L3MBTL4: variants seen among roughly 807,000 people sequenced by gnomAD.
L3MBTL4 encodes L3MBTL histone methyl-lysine binding protein 4.
Under a neutral mutation model 84.5 loss-of-function variants are expected in L3MBTL4, and 70 were observed. That is an observed-to-expected ratio of 0.83 (90% CI 0.68 to 1.01). The LOEUF (loss-of-function observed/expected upper bound fraction) is 1.01, where lower values mean the gene tolerates loss of function less well. L3MBTL4 is among the 50% of genes least tolerant of loss of function. The probability of loss-of-function intolerance (pLI) is 0.00; values close to 1 mark genes in which losing one functional copy is unlikely to be tolerated. For synonymous variants in L3MBTL4, 274 were observed against 259.8 expected (o/e 1.05, Z -0.52); for missense variants, 715 against 754.8 (o/e 0.95, Z 0.62).
chr18:6,231,426 C>A (rs1283409094), intron 10 of L3MBTL4, among the ~76,000 whole-genome samples: 1 of 152,104 alleles, frequency 6.6e-6, no homozygotes, highest in African/African-American at 2.4e-5. Flanking sequence ...TATTCTGTTA[C>A]ATTGGTCTAT....
intron 12 of L3MBTL4, among the ~76,000 whole-genome samples, chr18:6,181,579 C>T (rs555582059): frequency 1.0e-3 from 156 of 152,220 alleles, no homozygotes; most frequent in African/African-American, 3.6e-3. Context: ...ATCCGCCCAC[C>T]TTGGCCTCTC....
intron 16 of L3MBTL4, among the ~76,000 whole-genome samples, chr18:5,982,159 T>A (rs916433166): frequency 6.6e-6 from 1 of 152,174 alleles, no homozygotes; most frequent in African/African-American, 2.4e-5. Context: ...TTCAACCTCC[T>A]ATTTAAAGAG....
chr18:6,119,635 C>T lies in L3MBTL4; in HGVS notation c.1199+18559G>A, dbSNP rs73380079. Reference sequence around the variant, plus strand: ...GATCTATTTTGTAATCTAGTTTAAACAGTACAGAAGCCAGGCCTAAGGAAT... The same window carrying T: ...GATCTATTTTGTAATCTAGTTTAAATAGTACAGAAGCCAGGCCTAAGGAAT... On this transcript the variant is annotated intron_variant, in intron 14 of 18. Transcript: ENST00000317931. 4.2e-3 allele frequency among the ~76,000 whole-genome samples: 635 copies of T among 152,172 alleles called. 4 individuals are homozygous for T. Among genetic ancestry groups the T allele is most frequent in the African/African-American group, 0.015 (614 of 41,512 alleles).
At chr18:6,156,899 A>G (rs2043128541) in intron 13 of L3MBTL4, among the ~76,000 whole-genome samples, 1 of 152,214 alleles carries the variant, frequency 6.6e-6, no homozygotes, top group Non-Finnish European at 1.5e-5. Flanking sequence ...AGAATGAGAA[A>G]ATAATCTGCA....
intron 14 of L3MBTL4, among the ~76,000 whole-genome samples, chr18:6,136,250 C>G (rs1211974948): frequency 6.6e-6 from 1 of 152,144 alleles, no homozygotes; most frequent in African/African-American, 2.4e-5. Context: ...CATATCACAG[C>G]CCCTCCCAAG....
intron 16 of L3MBTL4, among the ~76,000 whole-genome samples, chr18:5,992,940 A>G (rs2053769548): frequency 6.6e-6 from 1 of 152,186 alleles, no homozygotes; most frequent in Non-Finnish European, 1.5e-5. Flanking sequence ...GCCTAACACA[A>G]GGAGCTAGGT....
intron 16 of L3MBTL4, among the ~76,000 whole-genome samples, chr18:6,019,871 A>G (rs988146313): frequency 1.3e-5 from 2 of 152,158 alleles, no homozygotes; most frequent in African/African-American, 4.8e-5. Context: ...AGTACTTGTG[A>G]TGTGATAATT....
chr18:5,961,187 G>C (rs945292772), intron 17 of L3MBTL4, among the ~76,000 whole-genome samples: 2 of 152,216 alleles, frequency 1.3e-5, no homozygotes, highest in Non-Finnish European at 2.9e-5. Flanking sequence ...TCACGGGAAA[G>C]GTTCTTGAGG....
chr18:6,333,449 C>A (rs1439225142), intron 1 of L3MBTL4, among the ~76,000 whole-genome samples: 1 of 152,012 alleles, frequency 6.6e-6, no homozygotes, highest in Admixed American at 6.6e-5. Flanking sequence ...GTGGCACATG[C>A]CTGTAGTCCC....
At chr18:6,119,048 G>C (rs552293911) in intron 14 of L3MBTL4, among the ~76,000 whole-genome samples, 18 of 126,704 alleles carry the variant, frequency 1.4e-4, no homozygotes, top group African/African-American at 5.4e-4. Flanking sequence ...CCTTCAAAGA[G>C]CTTCCTTTGC....
At position 6,138,055 on chromosome 18, in the gene L3MBTL4, A is replaced by G. The variant is rs2060079361; in HGVS notation, c.1199+139T>C. 8 of 545,604 alleles carry G rather than the reference A, an allele frequency of 1.5e-5. No homozygotes were observed. The South Asian group carries it at 2.5e-4, about 17-fold the overall frequency. 33.8% of individuals were successfully genotyped at this position (545,604 alleles called of 1,614,324 possible). A position where few individuals can be genotyped will look rare whatever the true frequency, so the allele number is the denominator to read the frequency against. On this transcript the variant is annotated intron_variant, in intron 14 of 18. Coordinates refer to ENST00000317931, the MANE Select transcript of L3MBTL4 (RefSeq NM_001330559.2). ...GGCAGGCAGAGGAAAATGTCAAGGA[A>G]AGGCCTCAGCAACACAGAGGTGGGA...
chr18:6,382,504 A>T (rs2054632739), intron 1 of L3MBTL4, among the ~76,000 whole-genome samples: 1 of 152,114 alleles, frequency 6.6e-6, no homozygotes, highest in Non-Finnish European at 1.5e-5. Flanking sequence ...TGACCTTCAG[A>T]TGGGGTCTCT....
chr18:6,302,707 A>G (rs2050395727), intron 3 of L3MBTL4, among the ~76,000 whole-genome samples: 1 of 152,232 alleles, frequency 6.6e-6, no homozygotes, highest in African/African-American at 2.4e-5. Flanking sequence ...ATTTGTGGCC[A>G]GCCACAGTGG....
chr18:6,016,932 C>G (rs2055012982), intron 16 of L3MBTL4, among the ~76,000 whole-genome samples: 1 of 151,952 alleles, frequency 6.6e-6, no homozygotes, highest in South Asian at 2.1e-4. Flanking sequence ...AGCAGCCAGG[C>G]CAGGGGTACC....
chr18:6,003,570 A>T (rs1050191862), intron 16 of L3MBTL4, among the ~76,000 whole-genome samples: 2 of 152,040 alleles, frequency 1.3e-5, no homozygotes, highest in African/African-American at 4.8e-5. Context: ...ACAGGCATAA[A>T]CAGGACACTT....
At chr18:6,224,131 C>T (rs2046677070) in intron 10 of L3MBTL4, among the ~76,000 whole-genome samples, 1 of 152,010 alleles carries the variant, frequency 6.6e-6, no homozygotes, top group Admixed American at 6.6e-5. Context: ...AAAAACAAAA[C>T]TAATATGAAG....
At chr18:6,254,725 T>C (rs931642619) in intron 5 of L3MBTL4, among the ~76,000 whole-genome samples, 3 of 152,210 alleles carry the variant, frequency 2.0e-5, no homozygotes, top group Non-Finnish European at 1.5e-5. Flanking sequence ...GCAGTTCTTA[T>C]TGGCTTTCTG....
At chr18:6,121,720 ATG>A (rs201263412) in intron 14 of L3MBTL4, among the ~76,000 whole-genome samples, 2,989 of 137,512 alleles carry the variant, frequency 0.022, 45 homozygotes, top group African/African-American at 0.031. Context: ...GTGTGTGTGT[ATG>A]TGTGTGTGCA....
intron 14 of L3MBTL4, among the ~76,000 whole-genome samples, chr18:6,115,667 T>C (rs891645157): frequency 3.3e-5 from 5 of 152,158 alleles, no homozygotes; most frequent in African/African-American, 1.2e-4. Context: ...GAAGCCGTGG[T>C]CAAAATGAAA....
Sources: gnomAD v4.1 joint callset for allele counts (sites outside exome capture counted in the v4.1 genomes callset) on GRCh38, gnomAD v4.1.1 for gene constraint, MANE v1.5 for transcripts, NCBI Gene and HGNC (gene_info 2026-07-23, HGNC 2026-07-21) for gene names.